ZEB2: variants seen among roughly 807,000 people sequenced by gnomAD.
ZEB2 encodes zinc finger E-box-binding homeobox 2.
A neutral mutation model predicts 99.9 loss-of-function variants in ZEB2; 6 were observed. The ratio of observed to expected loss-of-function variants is 0.06; its 90% CI spans 0.03 to 0.12. The LOEUF is 0.12. Among genes scored for constraint, ZEB2 ranks in the 10% least tolerant of loss-of-function variants. ZEB2 has a pLI of 1.00. For synonymous variants in ZEB2, 517 were observed against 542.5 expected (o/e 0.95, Z 0.65); for missense variants, 969 against 1,502.8 (o/e 0.64, Z 5.87).
chr2:144,449,821 T>C (rs563718279), intron 2 of ZEB2: 1 of 152,306 alleles, frequency 6.6e-6, no homozygotes, highest in African/African-American at 2.4e-5. Flanking sequence ...GTCGGGGCAG[T>C]GTAAATATTA....
intron 5 of ZEB2, 42 bp from the exon 6 acceptor site, chr2:144,404,172 G>A: frequency 6.2e-7 from 1 of 1,607,276 alleles, no homozygotes; most frequent in Non-Finnish European, 8.5e-7. Context: ...GGGCCAAAAG[G>A]TCAGTAAATC....
chr2:144,425,895 C>T (rs1042617781), intron 3 of ZEB2, among the ~76,000 whole-genome samples: 1 of 152,138 alleles, frequency 6.6e-6, no homozygotes, highest in East Asian at 1.9e-4. Context: ...GTAACTAGGA[C>T]TCTACGAATT....
intron 2 of ZEB2, among the ~76,000 whole-genome samples, chr2:144,453,854 C>T (rs560351347): frequency 6.6e-6 from 1 of 152,204 alleles, no homozygotes; most frequent in East Asian, 1.9e-4. Context: ...AGAGAGAGGT[C>T]CAAAGGTATC....
intron 4 of ZEB2, among the ~76,000 whole-genome samples, chr2:144,417,118 T>A (rs1382910043): frequency 6.6e-6 from 1 of 152,240 alleles, no homozygotes; most frequent in South Asian, 2.1e-4. Flanking sequence ...TCTTTTGTGA[T>A]GACTAACAAA....
chr2:144,506,384 A>G (rs1158389856), intron 2 of ZEB2, among the ~76,000 whole-genome samples: 1 of 152,214 alleles, frequency 6.6e-6, no homozygotes, highest in African/African-American at 2.4e-5. Flanking sequence ...TTTAGAGGAC[A>G]ACCATTTTGC....
At chr2:144,409,985 C>T (rs1703437192) in intron 4 of ZEB2, among the ~76,000 whole-genome samples, 1 of 151,204 alleles carries the variant, frequency 6.6e-6, no homozygotes, top group African/African-American at 2.4e-5. Flanking sequence ...AATCTCGGCT[C>T]ACTGCCAGCT....
At chr2:144,427,062 T>C (rs958420004) in intron 3 of ZEB2, 1 of 152,206 alleles carries the variant, frequency 6.6e-6, no homozygotes, top group Non-Finnish European at 1.5e-5. Flanking sequence ...TAAAACCACA[T>C]AGTATATTTA....
At chr2:144,433,488 G>T (rs1385759040) in intron 2 of ZEB2, among the ~76,000 whole-genome samples, 1 of 152,124 alleles carries the variant, frequency 6.6e-6, no homozygotes, top group Non-Finnish European at 1.5e-5. Flanking sequence ...ATTTTATGTG[G>T]AATCATATTA....
intron 4 of ZEB2, among the ~76,000 whole-genome samples, chr2:144,411,417 T>G (rs1355148050): frequency 6.6e-6 from 1 of 152,168 alleles, no homozygotes; most frequent in African/African-American, 2.4e-5. Flanking sequence ...GGTCTATAGA[T>G]TCTCATGGCT....
At chr2:144,500,221 A>G (rs1034098931) in intron 2 of ZEB2, among the ~76,000 whole-genome samples, 1 of 152,204 alleles carries the variant, frequency 6.6e-6, no homozygotes, top group Non-Finnish European at 1.5e-5. Flanking sequence ...TGTTTTGGGC[A>G]AGACATCTTA....
At chr2:144,436,926 T>A (rs1031615764) in intron 2 of ZEB2, among the ~76,000 whole-genome samples, 2 of 152,194 alleles carry the variant, frequency 1.3e-5, no homozygotes, top group African/African-American at 4.8e-5. Flanking sequence ...CAGTGAAATT[T>A]ATGATTTCCC....
At chr2:144,457,650 G>A (rs1200314255) in intron 2 of ZEB2, among the ~76,000 whole-genome samples, 1 of 152,086 alleles carries the variant, frequency 6.6e-6, no homozygotes, top group Non-Finnish European at 1.5e-5. Flanking sequence ...GTATGTAACA[G>A]GTATTAATGG....
At chr2:144,469,406 T>G (rs1704323403) in intron 2 of ZEB2, among the ~76,000 whole-genome samples, 1 of 152,136 alleles carries the variant, frequency 6.6e-6, no homozygotes, top group African/African-American at 2.4e-5. Flanking sequence ...TTGACTGATA[T>G]AAATACCATC....
intron 4 of ZEB2, among the ~76,000 whole-genome samples, chr2:144,420,175 T>C (rs1703600936): frequency 6.6e-6 from 1 of 152,218 alleles, no homozygotes; most frequent in Non-Finnish European, 1.5e-5. Context: ...GCAAATGGAA[T>C]AGTCCTTTCC....
Position 144,399,360 on chromosome 2 carries a change from C to G in ZEB2, c.1827G>C (p.Glu609Asp). 1 of 1,614,148 alleles carries G rather than the reference C, an allele frequency of 6.2e-7. No homozygotes were observed. Among genetic ancestry groups the G allele is most frequent in the Non-Finnish European group, 8.5e-7 (1 of 1,180,018 alleles). Residue 609 changes from glutamate to aspartate, a missense_variant, in exon 8 of 10, where the codon GAG becomes GAC. Glu to Asp is a conservative substitution (Grantham distance 45). Coordinates refer to ENST00000627532, the MANE Select transcript of ZEB2 (RefSeq NM_014795.4). The surrounding 1 kb of genome is among the most constrained non-coding windows in gnomAD (Gnocchi z 5.6). ...CATGAGGCTGCAGGACCGCCTTGAT[C>G]TCTTCATTCATCTTACAAAGGTAAC... ...HERYLCKMNE[E>D]IKAVLQPHEN...
intron 6 of ZEB2, among the ~76,000 whole-genome samples, chr2:144,403,182 T>C (rs1032348790): frequency 6.6e-6 from 1 of 152,174 alleles, no homozygotes; most frequent in African/African-American, 2.4e-5. Flanking sequence ...TAAGGAACAC[T>C]GTGAATCAAT....
intron 4 of ZEB2, among the ~76,000 whole-genome samples, chr2:144,420,711 A>T (rs1210679248): frequency 6.6e-6 from 1 of 152,154 alleles, no homozygotes; most frequent in East Asian, 1.9e-4. Flanking sequence ...CTTGAAGAAC[A>T]GAAGGATGGG....
chr2:144,467,145 T>TTA (rs1011260514), intron 2 of ZEB2, among the ~76,000 whole-genome samples: 2 of 150,748 alleles, frequency 1.3e-5, no homozygotes, highest in African/African-American at 4.8e-5. Flanking sequence ...AGATGTGTGA[T>TTA]TATACCCATT....
chr2:144,499,631 T>C (rs1704840439), intron 2 of ZEB2, among the ~76,000 whole-genome samples: 1 of 152,226 alleles, frequency 6.6e-6, no homozygotes, highest in Admixed American at 6.5e-5. Context: ...TCAGCCTTAT[T>C]ATAAATTTTC....
Sources: gnomAD v4.1 joint callset for allele counts (sites outside exome capture counted in the v4.1 genomes callset) on GRCh38, gnomAD v4.1.1 for gene constraint, Gnocchi (gnomAD v3.1) non-coding constraint, MANE v1.5 for transcripts, NCBI Gene and HGNC (gene_info 2026-07-23, HGNC 2026-07-21) for gene names.